The following WDR49 variants were observed in gnomAD, a reference collection of about 807,000 sequenced individuals.
WDR49 encodes WD repeat domain 49, also known as cilia- and flagella-associated protein 337.
WDR49 carries 107 observed loss-of-function variants against 119.5 expected under a neutral mutation model. The observed-to-expected ratio is 0.90, with a 90% CI of 0.77 to 1.05. The LOEUF is 1.05. Among genes scored for constraint, WDR49 ranks in the 50% least tolerant of loss-of-function variants. The pLI is 0.00. For synonymous variants in WDR49, 425 were observed against 418.8 expected (o/e 1.01, Z -0.18); for missense variants, 1,240 against 1,220.5 (o/e 1.02, Z -0.24).
chr3:167,566,902 G>A, intron 8 of WDR49: 2 of 670,358 alleles, frequency 3.0e-6, no homozygotes, highest in South Asian at 3.2e-5. Context: ...AGGCTGAGGA[G>A]GAGGAAAAGA....
At chr3:167,546,259 T>G (rs1029529442) in intron 10 of WDR49, among the ~76,000 whole-genome samples, 1 of 151,928 alleles carries the variant, frequency 6.6e-6, no homozygotes, top group African/African-American at 2.4e-5. Flanking sequence ...TAAAAAATAG[T>G]CTTTCTGATA....
intron 7 of WDR49, among the ~76,000 whole-genome samples, chr3:167,599,776 C>T (rs1259794517): frequency 6.7e-6 from 1 of 149,966 alleles, no homozygotes; most frequent in Non-Finnish European, 1.5e-5. Context: ...AAGGAAGTCA[C>T]CTTTACTTTA....
intron 5 of WDR49, among the ~76,000 whole-genome samples, chr3:167,607,713 T>C (rs1265148329): frequency 6.6e-6 from 1 of 152,144 alleles, no homozygotes; most frequent in Non-Finnish European, 1.5e-5. Context: ...CTGGGGTTCT[T>C]CCTATTACCA....
intron 10 of WDR49, among the ~76,000 whole-genome samples, chr3:167,540,766 G>C (rs1448752196): frequency 2.6e-5 from 4 of 151,836 alleles, no homozygotes; most frequent in Admixed American, 2.0e-4. Flanking sequence ...GGATATACCA[G>C]AGAAAACTGA....
At chr3:167,547,968 A>G (rs1293048599) in intron 10 of WDR49, among the ~76,000 whole-genome samples, 2 of 152,012 alleles carry the variant, frequency 1.3e-5, no homozygotes, top group African/African-American at 4.8e-5. Flanking sequence ...TGAGAAAGGA[A>G]ACTACATCAA....
At chr3:167,577,886 A>G (rs551705740) in intron 7 of WDR49, among the ~76,000 whole-genome samples, 2 of 152,148 alleles carry the variant, frequency 1.3e-5, no homozygotes, top group African/African-American at 2.4e-5. Context: ...TGATGGTTCT[A>G]TCCCAACTCA....
chr3:167,602,327 C>T, intron 6 of WDR49, 52 bp from the exon 7 acceptor site: 1 of 1,437,724 alleles, frequency 7.0e-7, no homozygotes, highest in African/African-American at 1.4e-5. Context: ...GAATAGCCCA[C>T]AGCATTTTCT....
At chr3:167,651,788 G>C (rs1009914038) in intron 2 of WDR49, among the ~76,000 whole-genome samples, 1 of 152,068 alleles carries the variant, frequency 6.6e-6, no homozygotes, top group Non-Finnish European at 1.5e-5. Context: ...ATTAAAACTT[G>C]AGGTTGAATT....
At chr3:167,582,110 G>C (rs1158526170) in intron 7 of WDR49, among the ~76,000 whole-genome samples, 1 of 151,266 alleles carries the variant, frequency 6.6e-6, no homozygotes, top group African/African-American at 2.4e-5. Flanking sequence ...CAGCAGCCCA[G>C]CTCACCGGGA....
chr3:167,527,910 T>G lies in WDR49; in HGVS notation c.2514A>C (p.Pro838=). ...DRISSLEMCE[P]GGQLLIISSS... ...AGGAGATAATCAGTAACTGACCACC[T>G]GGCTCACACATCTCTAAGGAACTTA... Residue 838 remains proline (P), a synonymous_variant, in exon 15 of 19, where the codon CCA becomes CCC. Transcript: ENST00000682715. 6.2e-7 allele frequency: 1 copy of G among 1,613,338 alleles called. No individual in the cohort carries two copies. The highest frequency in any genetic ancestry group is 1.7e-5 in the Admixed American group (1 of 59,870).
At chr3:167,565,336 GGA>G (rs1157318610) in intron 8 of WDR49, among the ~76,000 whole-genome samples, 1 of 147,906 alleles carries the variant, frequency 6.8e-6, no homozygotes, top group Non-Finnish European at 1.5e-5. Flanking sequence ...TTTTGTCCAG[GGA>G]GAGAGGCAAC....
At chr3:167,479,031 TA>T in intron 18 of WDR49, 35 bp from the exon 19 acceptor site, 1 of 1,485,056 alleles carries the variant, frequency 6.7e-7, no homozygotes, top group Non-Finnish European at 9.2e-7. Flanking sequence ...AAGTGAATTA[TA>T]TTTGTTAAGA....
intron 16 of WDR49, among the ~76,000 whole-genome samples, chr3:167,519,818 T>G (rs1752366102): frequency 6.6e-6 from 1 of 152,000 alleles, no homozygotes; most frequent in Non-Finnish European, 1.5e-5. Flanking sequence ...ACCCTATATA[T>G]CAGCACTGAT....
intron 8 of WDR49, among the ~76,000 whole-genome samples, chr3:167,571,024 CAAA>C (rs202109133): frequency 7.1e-5 from 6 of 84,334 alleles, no homozygotes; most frequent in Non-Finnish European, 1.1e-4. Context: ...GACTCCATCT[CAAA>C]AAAAAAAAAA....
At chr3:167,629,431 G>A (rs1717269767) in intron 2 of WDR49, among the ~76,000 whole-genome samples, 1 of 152,004 alleles carries the variant, frequency 6.6e-6, no homozygotes, top group South Asian at 2.1e-4. Flanking sequence ...GTCCCTGGTG[G>A]CTCAAGAGCT....
At chr3:167,629,372 C>G (rs530337977) in intron 2 of WDR49, among the ~76,000 whole-genome samples, 1 of 152,070 alleles carries the variant, frequency 6.6e-6, no homozygotes, top group Admixed American at 6.6e-5. Flanking sequence ...ACTGCTAAGA[C>G]GTACTGCTTT....
intron 5 of WDR49, among the ~76,000 whole-genome samples, chr3:167,608,763 G>T (rs1716184074): frequency 6.6e-6 from 1 of 152,076 alleles, no homozygotes; most frequent in Non-Finnish European, 1.5e-5. Context: ...TAAAATAAAT[G>T]ATTTCTTGTT....
chr3:167,563,449 G>A (rs939694372), intron 8 of WDR49, among the ~76,000 whole-genome samples: 1 of 151,630 alleles, frequency 6.6e-6, no homozygotes, highest in Non-Finnish European at 1.5e-5. Flanking sequence ...GAAGTGCTTA[G>A]GAAGTTGGAT....
At chr3:167,599,565 A>C (rs1048334441) in intron 7 of WDR49, among the ~76,000 whole-genome samples, 1 of 152,164 alleles carries the variant, frequency 6.6e-6, no homozygotes, top group Non-Finnish European at 1.5e-5. Context: ...TTGGTGCTCT[A>C]TCTCACTATG....
Sources: gnomAD v4.1 joint callset for allele counts (sites outside exome capture counted in the v4.1 genomes callset) on GRCh38, gnomAD v4.1.1 for gene constraint, MANE v1.5 for transcripts, NCBI Gene and HGNC (gene_info 2026-07-23, HGNC 2026-07-21) for gene names.